The following CPA6 variants were observed in gnomAD, a reference collection of about 807,000 sequenced individuals.
CPA6 encodes the protein carboxypeptidase A6.
Under a neutral mutation model 63.3 loss-of-function variants are expected in CPA6, and 58 were observed. The observed-to-expected ratio is 0.92, with a 90% CI of 0.74 to 1.14. CPA6 has a LOEUF of 1.14. Ranked by LOEUF, CPA6 falls within the 50% of genes most tolerant of loss-of-function variation. The probability of loss-of-function intolerance (pLI) is 0.00; values close to 1 mark genes in which losing one functional copy is unlikely to be tolerated. For synonymous variants in CPA6, 185 were observed against 179.0 expected (o/e 1.03, Z -0.27); for missense variants, 565 against 526.6 (o/e 1.07, Z -0.71).
intron 2 of CPA6, among the ~76,000 whole-genome samples, chr8:67,563,139 A>G (rs1296096997): frequency 6.6e-6 from 1 of 152,016 alleles, no homozygotes; most frequent in Non-Finnish European, 1.5e-5. Context: ...AAACACAACC[A>G]GGGCCAAATA....
At chr8:67,447,506 T>TACACACACAC (rs56840320) in intron 8 of CPA6, among the ~76,000 whole-genome samples, 9 of 142,550 alleles carry the variant, frequency 6.3e-5, no homozygotes, top group Non-Finnish European at 1.1e-4. Context: ...TATGTGTGTA[T>TACACACACAC]ACACACACAC....
intron 1 of CPA6, among the ~76,000 whole-genome samples, chr8:67,677,089 C>T (rs922031929): frequency 3.9e-5 from 6 of 152,190 alleles, no homozygotes; most frequent in African/African-American, 1.4e-4. Context: ...TCTGTTAGTG[C>T]TGACTCCTCC....
At chr8:67,529,787 G>A (rs1171610112) in intron 2 of CPA6, among the ~76,000 whole-genome samples, 2 of 152,076 alleles carry the variant, frequency 1.3e-5, no homozygotes, top group Non-Finnish European at 2.9e-5. Flanking sequence ...ATAGTGTCAC[G>A]GGGGTGGCCC....
intron 1 of CPA6, among the ~76,000 whole-genome samples, chr8:67,665,286 T>A (rs1287006089): frequency 6.6e-6 from 1 of 152,238 alleles, no homozygotes; most frequent in African/African-American, 2.4e-5. Context: ...TACATCTATA[T>A]GCAATAATGA....
At chr8:67,551,196 C>T (rs1812929697) in intron 2 of CPA6, among the ~76,000 whole-genome samples, 2 of 151,986 alleles carry the variant, frequency 1.3e-5, no homozygotes, top group Admixed American at 1.3e-4. Flanking sequence ...CCATCTTGAG[C>T]TAATTTTTAA....
chr8:67,422,719 T>A, intron 10 of CPA6, 28 bp from the exon 11 acceptor site: 1 of 1,522,070 alleles, frequency 6.6e-7, no homozygotes, highest in South Asian at 1.2e-5. Flanking sequence ...AAAAAAAAGA[T>A]CAGCCTCACT....
intron 1 of CPA6, among the ~76,000 whole-genome samples, chr8:67,695,412 C>T (rs1003370635): frequency 1.3e-5 from 2 of 152,166 alleles, no homozygotes; most frequent in African/African-American, 4.8e-5. Context: ...TTATACTGGA[C>T]CTCTTACATC....
Position 67,483,860 on chromosome 8 carries a change from T to C in CPA6, c.748-2A>G, listed in dbSNP as rs899724167. ...CCTTGTTTTTCTCCAAAATCGATCC[T>C]AGACATAATTAAGAAAACAGGTGCT... On this transcript the variant is annotated splice_acceptor_variant, in intron 7 of 10. Coordinates refer to ENST00000297770, the MANE Select transcript of CPA6 (RefSeq NM_020361.5). LOFTEE classifies it high-confidence loss of function. The C allele has an allele frequency of 6.2e-7, 1 of 1,611,930 alleles. No individual in the cohort carries two copies. The highest frequency in any genetic ancestry group is 1.7e-5 in the Admixed American group (1 of 60,000).
rs1193934490 is a variant in CPA6, at chr8:67,729,940, C to T, written c.116+16074G>A. Among the ~76,000 whole-genome samples the T allele has an allele frequency of 2.0e-5, 3 of 152,192 alleles. No homozygotes were observed. The East Asian group carries it at 5.8e-4, about 29-fold the overall frequency. The stretch of plus-strand genomic sequence containing the variant: ...TTTGGCCATTTCTGTTTTTTGAAAC[C>T]AGTGGATGTGATGTTGGAAAAGAAC... On this transcript the variant is annotated intron_variant, in intron 1 of 10. Coordinates refer to ENST00000297770, the MANE Select transcript of CPA6 (RefSeq NM_020361.5).
At chr8:67,700,683 A>T (rs1817005713) in intron 1 of CPA6, among the ~76,000 whole-genome samples, 1 of 152,308 alleles carries the variant, frequency 6.6e-6, no homozygotes. Flanking sequence ...TGCAGTAAGT[A>T]TATTTTTACT....
intron 1 of CPA6, among the ~76,000 whole-genome samples, chr8:67,683,585 A>G (rs1411940725): frequency 1.3e-5 from 2 of 152,152 alleles, no homozygotes; most frequent in African/African-American, 2.4e-5. Context: ...ATTAGTTCAG[A>G]TAAGCTGAAC....
At chr8:67,582,804 C>A (rs1813811434) in intron 2 of CPA6, among the ~76,000 whole-genome samples, 1 of 151,974 alleles carries the variant, frequency 6.6e-6, no homozygotes, top group South Asian at 2.1e-4. Context: ...TATTAAGTGT[C>A]CTTTTGGTTA....
intron 2 of CPA6, among the ~76,000 whole-genome samples, chr8:67,528,842 A>G (rs912075713): frequency 6.6e-6 from 1 of 152,018 alleles, no homozygotes; most frequent in African/African-American, 2.4e-5. Context: ...CTTTCCTAAT[A>G]AAGTCACTTT....
intron 1 of CPA6, among the ~76,000 whole-genome samples, chr8:67,642,793 TCACACACACACA>T (rs61054637): frequency 6.9e-6 from 1 of 145,074 alleles, no homozygotes; most frequent in African/African-American, 2.6e-5. Context: ...GGCCTTTATC[TCACACACACACA>T]CACACACACA....
chr8:67,545,853 T>G (rs1812807658), intron 2 of CPA6, among the ~76,000 whole-genome samples: 1 of 152,068 alleles, frequency 6.6e-6, no homozygotes, highest in Non-Finnish European at 1.5e-5. Flanking sequence ...GTGAACTACC[T>G]CGCCTGGCCT....
intron 1 of CPA6, among the ~76,000 whole-genome samples, chr8:67,731,963 A>C (rs1396671418): frequency 6.6e-6 from 1 of 152,164 alleles, no homozygotes; most frequent in Non-Finnish European, 1.5e-5. Context: ...CAAAAAGGCA[A>C]GGGTCGCTTC....
At chr8:67,667,619 C>G (rs1203808705) in intron 1 of CPA6, among the ~76,000 whole-genome samples, 1 of 152,132 alleles carries the variant, frequency 6.6e-6, no homozygotes, top group African/African-American at 2.4e-5. Flanking sequence ...GGTTAGGTGA[C>G]ATCTGAGGGG....
chr8:67,599,436 G>C (rs1440288377), intron 2 of CPA6, among the ~76,000 whole-genome samples: 2 of 151,942 alleles, frequency 1.3e-5, no homozygotes, highest in East Asian at 1.9e-4. Flanking sequence ...CTCCTCCCTG[G>C]GGTTGCCTTC....
At chr8:67,597,545 T>G (rs890499314) in intron 2 of CPA6, among the ~76,000 whole-genome samples, 1 of 152,202 alleles carries the variant, frequency 6.6e-6, no homozygotes, top group Admixed American at 6.5e-5. Context: ...AGTTTATTTA[T>G]GCTTCTCTCT....
Sources: allele counts gnomAD v4.1 joint callset (sites outside exome capture counted in the v4.1 genomes callset), GRCh38; gene constraint gnomAD v4.1.1; transcripts MANE v1.5; gene names NCBI Gene and HGNC (gene_info 2026-07-23, HGNC 2026-07-21).